EXOC5: variants seen among roughly 807,000 people sequenced by gnomAD.
EXOC5 encodes exocyst complex component 5.
Under a neutral mutation model 90.8 loss-of-function variants are expected in EXOC5, and 17 were observed. That is an observed-to-expected ratio of 0.19 (90% CI 0.13 to 0.28). The LOEUF is 0.28. EXOC5 is among the 10% of genes least tolerant of loss of function. EXOC5 has a pLI of 1.00. For synonymous variants in EXOC5, 260 were observed against 270.0 expected (o/e 0.96, Z 0.36); for missense variants, 569 against 830.6 (o/e 0.69, Z 3.87).
At chr14:57,267,761 AGGTTTAG>A (rs1254898028) in intron 1 of EXOC5, among the ~76,000 whole-genome samples, 2 of 152,192 alleles carry the variant, frequency 1.3e-5, no homozygotes, top group Non-Finnish European at 2.9e-5. Context: ...TTAAATTTTA[AGGTTTAG>A]ATACTGTAAA....
At chr14:57,245,093 T>C (rs1441740466) in intron 3 of EXOC5, among the ~76,000 whole-genome samples, 1 of 152,146 alleles carries the variant, frequency 6.6e-6, no homozygotes, top group Non-Finnish European at 1.5e-5. Flanking sequence ...TCTTTCCCAG[T>C]TTTGAAAACA....
chr14:57,255,851 A>C (rs562511239), intron 1 of EXOC5, among the ~76,000 whole-genome samples: 4 of 152,028 alleles, frequency 2.6e-5, no homozygotes, highest in Non-Finnish European at 5.9e-5. Context: ...AAAAAAAAAA[A>C]AAAGGAAGCA....
At chr14:57,242,776 T>C (rs540328131) in intron 4 of EXOC5, among the ~76,000 whole-genome samples, 19 of 152,108 alleles carry the variant, frequency 1.2e-4, no homozygotes, top group Non-Finnish European at 2.6e-4. Flanking sequence ...ACTATATGAG[T>C]TCTTAAGGAT....
intron 15 of EXOC5, among the ~76,000 whole-genome samples, chr14:57,215,640 A>G (rs376815867): frequency 6.6e-6 from 1 of 152,196 alleles, no homozygotes; most frequent in South Asian, 2.1e-4. Flanking sequence ...AAAGACTTAC[A>G]AACAAATTAG....
chr14:57,210,470 A>C (rs1452448819), intron 15 of EXOC5, among the ~76,000 whole-genome samples: 9 of 149,930 alleles, frequency 6.0e-5, no homozygotes, highest in Admixed American at 5.9e-4. Flanking sequence ...GTACATACAT[A>C]ATAAGATATC....
chr14:57,262,961 C>G (rs1037140707), intron 1 of EXOC5, among the ~76,000 whole-genome samples: 1 of 152,092 alleles, frequency 6.6e-6, no homozygotes, highest in Admixed American at 6.6e-5. Context: ...AGACTTTCAT[C>G]TGGCCAGATT....
At chr14:57,234,076 A>G (rs901916169) in intron 7 of EXOC5, 44 bp from the exon 8 acceptor site, 1 of 1,380,888 alleles carries the variant, frequency 7.2e-7, no homozygotes, top group South Asian at 1.2e-5. Context: ...TTCAATTATA[A>G]TAATTATTAT....
intron 1 of EXOC5, among the ~76,000 whole-genome samples, chr14:57,264,882 C>T (rs1465460154): frequency 6.6e-6 from 1 of 152,148 alleles, no homozygotes; most frequent in Non-Finnish European, 1.5e-5. Context: ...TATCCACCTT[C>T]TCTCCCTCTA....
rs1001517988 is a variant in EXOC5, at chr14:57,203,303, G to A, written c.*5306C>T. 5 of 152,050 alleles carry A rather than the reference G, an allele frequency of 3.3e-5. No individual in the cohort carries two copies. Among genetic ancestry groups the A allele is most frequent in the Non-Finnish European group, 1.5e-5 (1 of 68,006 alleles). The allele number at this position is 152,050 out of a possible 1,614,324, so 9.4% of individuals were successfully genotyped here. ...TACAGTATAAAGATTAAAATGATAG[G>A]CAGGCAAAGAGGGATGGCCTCACTT... is the stretch of plus-strand genomic sequence containing the variant. On this transcript the variant is annotated 3_prime_UTR_variant, in exon 18 of 18. Coordinates refer to ENST00000621441, the MANE Select transcript of EXOC5 (RefSeq NM_006544.4).
rs528728332 is a variant in EXOC5 at position 57,214,456 on chromosome 14, A to G, written c.1613+3526T>C. Among the ~76,000 whole-genome samples the G allele has an allele frequency of 1.1e-4, 16 of 152,272 alleles. No individual in the cohort carries two copies. In the South Asian group the frequency reaches 2.9e-3, roughly 28 times the overall value. ...TCGGATTTTTGGATTGGGGTGCTGA[A>G]TGTGTACAGAATGCTGCCGGTGGAG... On this transcript the variant is annotated intron_variant, in intron 15 of 17. Coordinates refer to ENST00000621441, the MANE Select transcript of EXOC5 (RefSeq NM_006544.4).
intron 1 of EXOC5, 146 bp downstream of exon 1, chr14:57,268,476 G>A: frequency 7.0e-7 from 1 of 1,419,952 alleles, no homozygotes; most frequent in Non-Finnish European, 9.3e-7. Flanking sequence ...GCGCTGACAC[G>A]GAGCTGCCAC....
intron 4 of EXOC5, among the ~76,000 whole-genome samples, chr14:57,239,885 T>G (rs1883805303): frequency 6.6e-6 from 1 of 152,172 alleles, no homozygotes; most frequent in Non-Finnish European, 1.5e-5. Context: ...AGCTTTCTGG[T>G]ACTGAAATTC....
chr14:57,228,545 T>C (rs1170290141), intron 12 of EXOC5, among the ~76,000 whole-genome samples: 1 of 152,136 alleles, frequency 6.6e-6, no homozygotes, highest in African/African-American at 2.4e-5. Context: ...TGAGTTCATG[T>C]CCTTTGCAGG....
In EXOC5 at chr14:57,239,199, A is replaced by C. The variant is rs1323004123; in HGVS notation, c.530+396T>G. 2.6e-5 allele frequency among the ~76,000 whole-genome samples: 4 copies of C among 152,134 alleles called. No individual in the cohort carries two copies. In the East Asian group the frequency reaches 7.7e-4, roughly 29 times the overall value. ...TTCATCAGCTTTTCAAAGGTGTCCA[A>C]GGCCTCCAAAAGCCTAAGAACCTTC... is the stretch of plus-strand genomic sequence containing the variant. On this transcript the variant is annotated intron_variant, in intron 5 of 17. Transcript: ENST00000621441.
intron 4 of EXOC5, 80 bp from the exon 5 acceptor site, chr14:57,239,739 A>G (rs1594669507): frequency 2.4e-6 from 2 of 828,226 alleles, no homozygotes; most frequent in Non-Finnish European, 3.8e-6. Context: ...GAAATTAGTA[A>G]TATCTCCCTG....
intron 15 of EXOC5, among the ~76,000 whole-genome samples, chr14:57,211,430 G>A (rs914172486): frequency 7.7e-6 from 1 of 129,538 alleles, no homozygotes; most frequent in Non-Finnish European, 1.5e-5. Context: ...AATCTTCAAA[G>A]TCACCACCTT....
At chr14:57,239,793 T>C in intron 4 of EXOC5, 134 bp from the exon 5 acceptor site, 1 of 554,068 alleles carries the variant, frequency 1.8e-6, no homozygotes, top group Non-Finnish European at 3.2e-6. Context: ...CCTTTAAAAA[T>C]CCACAACAAA....
At chr14:57,255,658 C>A (rs553005803) in intron 1 of EXOC5, among the ~76,000 whole-genome samples, 2 of 152,148 alleles carry the variant, frequency 1.3e-5, no homozygotes, top group Admixed American at 1.3e-4. Flanking sequence ...TACAGTGAAA[C>A]CCTGTCTCTA....
intron 9 of EXOC5, 197 bp from the exon 10 acceptor site, chr14:57,232,946 T>G: frequency 2.2e-6 from 1 of 455,984 alleles, no homozygotes; most frequent in South Asian, 3.5e-5. Flanking sequence ...ACTTCTCATA[T>G]TTACCTGTAG....
Sources: allele counts gnomAD v4.1 joint callset (sites outside exome capture counted in the v4.1 genomes callset), GRCh38; gene constraint gnomAD v4.1.1; transcripts MANE v1.5; gene names NCBI Gene and HGNC (gene_info 2026-07-23, HGNC 2026-07-21).